DPP10: variants seen among roughly 807,000 people sequenced by gnomAD.
The protein encoded by DPP10 is inactive dipeptidyl peptidase 10.
In DPP10, 33 loss-of-function variants were observed where a neutral mutation model predicts 120.9. That is an observed-to-expected ratio of 0.27 (90% confidence interval 0.21 to 0.37). The LOEUF is 0.37. Among genes scored for constraint, DPP10 ranks in the 10% least tolerant of loss-of-function variants. DPP10 has a pLI of 1.00. For synonymous variants in DPP10, 337 were observed against 326.1 expected (o/e 1.03, Z -0.36); for missense variants, 816 against 942.8 (o/e 0.87, Z 1.76).
intron 1 of DPP10, among the ~76,000 whole-genome samples, chr2:114,910,749 C>T (rs932691459): frequency 3.9e-5 from 6 of 152,054 alleles, no homozygotes; most frequent in African/African-American, 1.4e-4. Context: ...CTCCACATAT[C>T]TATCCTTTAA....
chr2:114,750,889 G>C (rs1679155449), intron 1 of DPP10, among the ~76,000 whole-genome samples: 1 of 152,208 alleles, frequency 6.6e-6, no homozygotes, highest in Non-Finnish European at 1.5e-5. Context: ...AAGTTTTGGA[G>C]ACACCAGTTG....
At chr2:114,870,698 A>T (rs1366455952) in intron 1 of DPP10, among the ~76,000 whole-genome samples, 1 of 136,278 alleles carries the variant, frequency 7.3e-6, no homozygotes. Context: ...TACTAAAAAA[A>T]ATGATTCCAA....
chr2:114,865,630 C>T (rs1276713822), intron 1 of DPP10, among the ~76,000 whole-genome samples: 1 of 151,990 alleles, frequency 6.6e-6, no homozygotes, highest in Non-Finnish European at 1.5e-5. Context: ...TTCCAAATAG[C>T]GATTCTATTT....
chr2:114,994,961 C>T (rs1313088000), intron 1 of DPP10, among the ~76,000 whole-genome samples: 3 of 152,220 alleles, frequency 2.0e-5, no homozygotes, highest in Admixed American at 2.0e-4. Flanking sequence ...TTCTCAAGCA[C>T]TCCCTGTATT....
At chr2:114,791,070 G>A (rs1683202877) in intron 1 of DPP10, among the ~76,000 whole-genome samples, 1 of 152,120 alleles carries the variant, frequency 6.6e-6, no homozygotes, top group Non-Finnish European at 1.5e-5. Context: ...CACTATTCTG[G>A]TATAAAATAT....
At chr2:115,309,782 G>T (rs905045545) in intron 2 of DPP10, among the ~76,000 whole-genome samples, 6 of 152,036 alleles carry the variant, frequency 3.9e-5, no homozygotes, top group African/African-American at 4.8e-5. Flanking sequence ...GATCGAAAGA[G>T]AGTGATCTAA....
intron 8 of DPP10, among the ~76,000 whole-genome samples, chr2:115,732,097 G>A (rs1283706295): frequency 6.6e-6 from 1 of 152,146 alleles, no homozygotes. Context: ...ATACTCTGGT[G>A]TGGAGATTTC....
chr2:114,640,060 T>C (rs898264687), intron 1 of DPP10, among the ~76,000 whole-genome samples: 5 of 151,912 alleles, frequency 3.3e-5, no homozygotes, highest in African/African-American at 1.2e-4. Flanking sequence ...TACCAGAACA[T>C]TGGATTGTGC....
chr2:114,629,747 G>T (rs376436177), intron 1 of DPP10, among the ~76,000 whole-genome samples: 1 of 152,112 alleles, frequency 6.6e-6, no homozygotes, highest in South Asian at 2.1e-4. Context: ...TGTGTATACC[G>T]TTGAAGCAGC....
At chr2:115,522,092 A>G (rs529323907) in intron 4 of DPP10, among the ~76,000 whole-genome samples, 29 of 152,308 alleles carry the variant, frequency 1.9e-4, no homozygotes, top group South Asian at 4.1e-4. Context: ...TGAAATTATA[A>G]GTTAAATTTT....
chr2:114,806,391 G>A (rs1414478002), intron 1 of DPP10, among the ~76,000 whole-genome samples: 1 of 152,110 alleles, frequency 6.6e-6, no homozygotes, highest in East Asian at 1.9e-4. Flanking sequence ...GTAAAATTTG[G>A]TTTACAATTT....
intron 19 of DPP10, among the ~76,000 whole-genome samples, chr2:115,807,706 AGGG>A (rs1559181852): frequency 6.6e-6 from 1 of 151,906 alleles, no homozygotes; most frequent in Non-Finnish European, 1.5e-5. Flanking sequence ...GAGAGAAAAA[AGGG>A]ACAAGTAGGA....
intron 2 of DPP10, among the ~76,000 whole-genome samples, chr2:115,332,140 G>T (rs776255137): frequency 5.9e-5 from 9 of 151,966 alleles, no homozygotes; most frequent in Non-Finnish European, 1.0e-4. Flanking sequence ...ACTTCTTCCT[G>T]GTTTAGTCTT....
chr2:114,545,563 C>T (rs1687324284), intron 1 of DPP10, among the ~76,000 whole-genome samples: 1 of 152,206 alleles, frequency 6.6e-6, no homozygotes, highest in Non-Finnish European at 1.5e-5. Flanking sequence ...ATGAGTACTT[C>T]TCATGCAGGG....
chr2:115,427,693 C>T (rs2070609229), intron 3 of DPP10, among the ~76,000 whole-genome samples: 1 of 152,154 alleles, frequency 6.6e-6, no homozygotes, highest in Non-Finnish European at 1.5e-5. Context: ...GCCTTGGAGG[C>T]CTTTTTCTCA....
chr2:115,029,241 T>C (rs1373855054), intron 1 of DPP10, among the ~76,000 whole-genome samples: 1 of 152,078 alleles, frequency 6.6e-6, no homozygotes, highest in Non-Finnish European at 1.5e-5. Context: ...TTGTTGCTTT[T>C]TGTTTTCTCA....
intron 10 of DPP10, among the ~76,000 whole-genome samples, chr2:115,751,802 TG>T (rs1189397512): frequency 1.6e-4 from 16 of 101,612 alleles, no homozygotes; most frequent in Non-Finnish European, 2.1e-4. Flanking sequence ...TTTTTTTTGT[TG>T]TTTTTTTTTT....
At chr2:115,554,067 C>T (rs2080056764) in intron 5 of DPP10, among the ~76,000 whole-genome samples, 1 of 150,384 alleles carries the variant, frequency 6.6e-6, no homozygotes, top group Non-Finnish European at 1.5e-5. Context: ...TCTCCAGGCC[C>T]ATAATCACTG....
At chr2:115,062,922 G>A (rs1573474218) in intron 1 of DPP10, among the ~76,000 whole-genome samples, 1 of 152,208 alleles carries the variant, frequency 6.6e-6, no homozygotes, top group Middle Eastern at 3.4e-3. Context: ...GGGATTGCTG[G>A]GTCAAATGGT....
Sources: allele counts gnomAD v4.1 joint callset (sites outside exome capture counted in the v4.1 genomes callset), GRCh38; gene constraint gnomAD v4.1.1; transcripts MANE v1.5; gene names NCBI Gene and HGNC (gene_info 2026-07-23, HGNC 2026-07-21).